The following RBFOX3 variants were observed in gnomAD, a reference collection of about 807,000 sequenced individuals.
RBFOX3 encodes RNA binding fox-1 homolog 3.
Under a neutral mutation model 48.7 loss-of-function variants are expected in RBFOX3, and 17 were observed. The ratio of observed to expected loss-of-function variants is 0.35; its 90% CI spans 0.24 to 0.52. The LOEUF (loss-of-function observed/expected upper bound fraction) is 0.52, where lower values mean the gene tolerates loss of function less well. Ranked by LOEUF, RBFOX3 falls within the 20% of genes least tolerant of loss-of-function variation. RBFOX3 has a pLI of 0.94. For missense variants in RBFOX3, 382 were observed against 497.5 expected, an observed-to-expected ratio of 0.77 and a Z score of 2.21; for synonymous variants, 212 against 209.5, an observed-to-expected ratio of 1.01 and a Z score of -0.10.
chr17:79,095,683 G>T, intron 12 of RBFOX3, 109 bp from the exon 13 acceptor site: 2 of 956,134 alleles, frequency 2.1e-6, no homozygotes, highest in South Asian at 1.6e-5. Context: ...CCCTGGGAGG[G>T]ACTACAGACC....
At chr17:79,112,473 C>G (rs766153362) in intron 5 of RBFOX3, among the ~76,000 whole-genome samples, 3 of 152,144 alleles carry the variant, frequency 2.0e-5, no homozygotes, top group Non-Finnish European at 2.9e-5. Context: ...TCCAGGAAGG[C>G]CTTTCCGGAG....
intron 2 of RBFOX3, among the ~76,000 whole-genome samples, chr17:79,449,443 TCCCCAAAGCTCA>T (rs1357682943): frequency 6.6e-6 from 1 of 151,946 alleles, no homozygotes; most frequent in Non-Finnish European, 1.5e-5. Flanking sequence ...TCCTGGGCTC[TCCCCAAAGCTCA>T]CCCCAGACAC....
At chr17:79,289,278 C>T (rs1428577953) in intron 3 of RBFOX3, among the ~76,000 whole-genome samples, 1 of 152,246 alleles carries the variant, frequency 6.6e-6, no homozygotes, top group Non-Finnish European at 1.5e-5. Context: ...AGCTTCAGTC[C>T]CTTCAAGCCA....
intron 4 of RBFOX3, among the ~76,000 whole-genome samples, chr17:79,225,075 C>T (rs1482350699): frequency 6.6e-6 from 1 of 152,158 alleles, no homozygotes; most frequent in East Asian, 1.9e-4. Flanking sequence ...TGCCCTTTGA[C>T]CATTCACACA....
At chr17:79,431,647 G>C (rs1199023886) in intron 2 of RBFOX3, among the ~76,000 whole-genome samples, 1 of 152,160 alleles carries the variant, frequency 6.6e-6, no homozygotes, top group Non-Finnish European at 1.5e-5. Flanking sequence ...ACCATGCCTA[G>C]CTAATTTTTG....
chr17:79,403,154 A>G (rs1256991559), intron 2 of RBFOX3, among the ~76,000 whole-genome samples: 1 of 152,116 alleles, frequency 6.6e-6, no homozygotes, highest in Non-Finnish European at 1.5e-5. Flanking sequence ...TGGGGCCCTG[A>G]ACAGGCCTCC....
chr17:79,631,818 C>G, the RBFOX3 span, among the ~76,000 whole-genome samples: 15 of 152,330 alleles, frequency 9.8e-5, no homozygotes, highest in Middle Eastern at 3.4e-3. Flanking sequence ...TCAGGCTGCT[C>G]CCCCTGGAAG....
intron 4 of RBFOX3, among the ~76,000 whole-genome samples, chr17:79,225,291 CTTTTTT>C (rs58461275): frequency 7.8e-6 from 1 of 128,090 alleles, no homozygotes; most frequent in Non-Finnish European, 1.6e-5. Context: ...TCCCTCCATT[CTTTTTT>C]TTTTTTTTTT....
intron 9 of RBFOX3, chr17:79,098,564 G>A (rs1013342149): frequency 6.6e-6 from 1 of 152,198 alleles, no homozygotes; most frequent in African/African-American, 2.4e-5. Flanking sequence ...GCCTGTAATC[G>A]GCATCCCAGC....
chr17:79,202,423 C>T (rs1340529674), intron 4 of RBFOX3, among the ~76,000 whole-genome samples: 2 of 152,156 alleles, frequency 1.3e-5, no homozygotes, highest in African/African-American at 2.4e-5. Context: ...TCCTCTGTAT[C>T]CTGGTAGAGT....
intron 1 of RBFOX3, among the ~76,000 whole-genome samples, chr17:79,486,526 C>T (rs2079631109): frequency 6.6e-6 from 1 of 152,220 alleles, no homozygotes; most frequent in Admixed American, 6.5e-5. Context: ...CCTACACACA[C>T]ATATGCGTGC....
intron 1 of RBFOX3, among the ~76,000 whole-genome samples, chr17:79,507,291 G>T (rs2083295652): frequency 6.6e-6 from 1 of 152,200 alleles, no homozygotes; most frequent in African/African-American, 2.4e-5. Flanking sequence ...CCACTCAGGT[G>T]TTTTAAATGG....
chr17:79,308,688 T>C (rs1458276410), intron 2 of RBFOX3, among the ~76,000 whole-genome samples: 1 of 152,200 alleles, frequency 6.6e-6, no homozygotes, highest in Non-Finnish European at 1.5e-5. Flanking sequence ...CTGAATGCGA[T>C]GAGTGCCTTC....
chr17:79,410,413 C>G (rs578191468), intron 2 of RBFOX3, among the ~76,000 whole-genome samples: 1 of 152,076 alleles, frequency 6.6e-6, no homozygotes, highest in East Asian at 1.9e-4. Flanking sequence ...AAACACAAAC[C>G]GAGGTGCAGC....
chr17:79,388,716 C>A (rs765094619), intron 2 of RBFOX3, among the ~76,000 whole-genome samples: 3 of 152,174 alleles, frequency 2.0e-5, no homozygotes, highest in Non-Finnish European at 4.4e-5. Flanking sequence ...GGCAAGGACA[C>A]AGGTGGCAGC....
chr17:79,463,200 T>G (rs1296817858), intron 2 of RBFOX3, among the ~76,000 whole-genome samples: 1 of 46,622 alleles, frequency 2.1e-5, no homozygotes. Flanking sequence ...GCCACCGCCA[T>G]CGCCACTGCC....
the RBFOX3 span, among the ~76,000 whole-genome samples, chr17:79,656,883 A>AGGAAGGAG: frequency 9.2e-4 from 133 of 143,804 alleles, 1 homozygote; most frequent in East Asian, 0.021. Context: ...GAAGGAAGGA[A>AGGAAGGAG]GGAAGGAAGG....
In RBFOX3 at chr17:79,115,742, G is replaced by A. The variant is rs745543257; in HGVS notation, c.-27C>T. On this transcript the variant is annotated 5_prime_UTR_variant, in exon 5 of 15. Coordinates refer to ENST00000693108, the MANE Select transcript of RBFOX3 (RefSeq NM_001350451.2). ...GCTTCAGGCGGAGCCGTGGCGTCCT[G>A]ATCGCTCTGTGGAAGGAGAGAGAGC... 1 of 723,660 alleles carries A rather than the reference G, an allele frequency of 1.4e-6. No homozygotes were observed. The highest frequency in any genetic ancestry group is 1.6e-5 in the South Asian group (1 of 63,998). 44.8% of individuals were successfully genotyped at this position (723,660 alleles called of 1,614,324 possible).
chr17:79,202,700 G>A (rs1018190567), intron 4 of RBFOX3, among the ~76,000 whole-genome samples: 4 of 152,204 alleles, frequency 2.6e-5, no homozygotes, highest in African/African-American at 9.6e-5. Flanking sequence ...GTGTCAGAGC[G>A]CACAGCTGTG....
Sources: gnomAD v4.1 joint callset for allele counts (sites outside exome capture counted in the v4.1 genomes callset) on GRCh38, gnomAD v4.1.1 for gene constraint, MANE v1.5 for transcripts, NCBI Gene and HGNC (gene_info 2026-07-23, HGNC 2026-07-21) for gene names.